The following EXOC6B variants were observed in gnomAD, a reference collection of about 807,000 sequenced individuals.
EXOC6B encodes the protein SEC15 homolog B.
EXOC6B carries 54 observed loss-of-function variants against 113.5 expected under a neutral mutation model. The ratio of observed to expected loss-of-function variants is 0.48; its 90% CI spans 0.38 to 0.60. The LOEUF (loss-of-function observed/expected upper bound fraction) is 0.60, where lower values mean the gene tolerates loss of function less well. EXOC6B is among the 20% of genes least tolerant of loss of function. The probability of loss-of-function intolerance (pLI) is 0.00; values close to 1 mark genes in which losing one functional copy is unlikely to be tolerated. For missense variants in EXOC6B, 797 were observed against 977.5 expected (o/e 0.82, Z 2.46); for synonymous variants, 357 against 339.0 (o/e 1.05, Z -0.58).
chr2:72,377,317 T>C (rs900003665), intron 19 of EXOC6B, among the ~76,000 whole-genome samples: 1 of 152,166 alleles, frequency 6.6e-6, no homozygotes, highest in African/African-American at 2.4e-5. Context: ...TTTTAACGTA[T>C]ACAACTACCA....
intron 8 of EXOC6B, among the ~76,000 whole-genome samples, chr2:72,548,128 G>A (rs537370464): frequency 1.1e-4 from 17 of 151,868 alleles, no homozygotes; most frequent in Non-Finnish European, 2.1e-4. Flanking sequence ...CCCTCCCCCT[G>A]CCAAAGTTTG....
chr2:72,288,240 T>C (rs1193343017), intron 20 of EXOC6B, among the ~76,000 whole-genome samples: 3 of 152,166 alleles, frequency 2.0e-5, no homozygotes, highest in African/African-American at 7.2e-5. Flanking sequence ...ATAAACTGAT[T>C]ACAATCACTT....
Position 72,513,259 on chromosome 2 carries a change from T to C in EXOC6B, c.1047-7A>G. 6.2e-7 allele frequency: 1 copy of C among 1,612,118 alleles called. No homozygotes were observed. The highest frequency in any genetic ancestry group is 8.5e-7 in the Non-Finnish European group (1 of 1,178,850). On this transcript the variant is annotated splice_polypyrimidine_tract_variant and splice_region_variant and intron_variant, in intron 10 of 21. Transcript: ENST00000272427. ...ATCTTCAACCACAAAAAAGCTAAGATTGAGGAAAAAAGAAAGCACAGCTGT... is the reference window on the plus strand; with the variant it reads ...ATCTTCAACCACAAAAAAGCTAAGACTGAGGAAAAAAGAAAGCACAGCTGT...
At chr2:72,642,832 A>G (rs1238248650) in intron 6 of EXOC6B, among the ~76,000 whole-genome samples, 2 of 151,794 alleles carry the variant, frequency 1.3e-5, no homozygotes, top group East Asian at 3.9e-4. Flanking sequence ...CAGGCAACCT[A>G]CAAAATGGGA....
intron 1 of EXOC6B, among the ~76,000 whole-genome samples, chr2:72,761,412 T>C (rs749745052): frequency 2.6e-5 from 4 of 152,190 alleles, no homozygotes; most frequent in East Asian, 3.9e-4. Flanking sequence ...CTCCAAAGCA[T>C]TGCATTTAGG....
intron 20 of EXOC6B, among the ~76,000 whole-genome samples, chr2:72,229,291 C>T (rs1228459275): frequency 1.3e-5 from 2 of 152,134 alleles, no homozygotes; most frequent in African/African-American, 2.4e-5. Context: ...AATAGGGAGA[C>T]GTCGTTAAGA....
intron 20 of EXOC6B, among the ~76,000 whole-genome samples, chr2:72,332,794 T>C (rs1428231217): frequency 6.6e-6 from 1 of 152,160 alleles, no homozygotes; most frequent in Non-Finnish European, 1.5e-5. Flanking sequence ...TCCCAGGTTT[T>C]CTGTTTAGAG....
chr2:72,287,263 A>G (rs2104695431), intron 20 of EXOC6B, among the ~76,000 whole-genome samples: 1 of 151,816 alleles, frequency 6.6e-6, no homozygotes, highest in Non-Finnish European at 1.5e-5. Flanking sequence ...CCCCGTCTCT[A>G]CTAAAAATAC....
At chr2:72,297,563 G>A (rs1020301938) in intron 20 of EXOC6B, among the ~76,000 whole-genome samples, 1 of 152,050 alleles carries the variant, frequency 6.6e-6, no homozygotes, top group African/African-American at 2.4e-5. Flanking sequence ...GAATGTGTTT[G>A]CTCTTGCTTC....
At chr2:72,700,737 G>A (rs1678260590) in intron 6 of EXOC6B, among the ~76,000 whole-genome samples, 1 of 152,208 alleles carries the variant, frequency 6.6e-6, no homozygotes, top group Non-Finnish European at 1.5e-5. Context: ...ACCGAAGCAG[G>A]CAGATCACCT....
chr2:72,343,615 A>G (rs1385352187), intron 19 of EXOC6B, among the ~76,000 whole-genome samples: 1 of 152,116 alleles, frequency 6.6e-6, no homozygotes, highest in Non-Finnish European at 1.5e-5. Context: ...GGTAGGAAAG[A>G]AGTTCCTTAG....
chr2:72,369,052 T>C (rs978980013), intron 19 of EXOC6B, among the ~76,000 whole-genome samples: 1 of 152,098 alleles, frequency 6.6e-6, no homozygotes. Context: ...GGGTATTCAA[T>C]TAGGAAAAGA....
At chr2:72,337,606 C>T (rs977291202) in intron 19 of EXOC6B, among the ~76,000 whole-genome samples, 1 of 152,130 alleles carries the variant, frequency 6.6e-6, no homozygotes, top group African/African-American at 2.4e-5. Flanking sequence ...TTTTATGACA[C>T]ACTGAATCTT....
At chr2:72,218,855 G>T (rs568748064) in intron 20 of EXOC6B, among the ~76,000 whole-genome samples, 12 of 151,746 alleles carry the variant, frequency 7.9e-5, no homozygotes, top group East Asian at 5.8e-4. Context: ...TAGAGACAGG[G>T]TTTCATCACA....
chr2:72,466,693 A>G (rs1698076452), intron 17 of EXOC6B, among the ~76,000 whole-genome samples: 1 of 152,214 alleles, frequency 6.6e-6, no homozygotes, highest in Non-Finnish European at 1.5e-5. Context: ...TATATTTGTG[A>G]CGTACAACTT....
At chr2:72,604,596 T>G (rs1670634623) in intron 6 of EXOC6B, among the ~76,000 whole-genome samples, 1 of 151,780 alleles carries the variant, frequency 6.6e-6, no homozygotes, top group Non-Finnish European at 1.5e-5. Context: ...TCCCAGAGAG[T>G]GATAGAAACA....
chr2:72,482,427 C>A (rs35190321), intron 16 of EXOC6B, among the ~76,000 whole-genome samples: 1 of 148,690 alleles, frequency 6.7e-6, no homozygotes, highest in Admixed American at 6.8e-5. Context: ...TGGCAGGTAG[C>A]GGGGAGTTTT....
At chr2:72,679,816 G>A (rs1676562685) in intron 6 of EXOC6B, among the ~76,000 whole-genome samples, 1 of 152,212 alleles carries the variant, frequency 6.6e-6, no homozygotes, top group Non-Finnish European at 1.5e-5. Flanking sequence ...AATGATTCTG[G>A]TGGTATTAGC....
At chr2:72,461,704 A>C (rs563033284) in intron 18 of EXOC6B, 1 of 152,184 alleles carries the variant, frequency 6.6e-6, no homozygotes, top group African/African-American at 2.4e-5. Context: ...AAATTCTAAA[A>C]GGGGAATTAC....
Sources: gnomAD v4.1 joint callset for allele counts (sites outside exome capture counted in the v4.1 genomes callset) on GRCh38, gnomAD v4.1.1 for gene constraint, MANE v1.5 for transcripts, NCBI Gene and HGNC (gene_info 2026-07-23, HGNC 2026-07-21) for gene names.